Variants in CASK observed in about 807,000 individuals in gnomAD.
CASK encodes the protein peripheral plasma membrane protein CASK.
CASK carries 4 observed loss-of-function variants against 82.9 expected under a neutral mutation model. That is an observed-to-expected ratio of 0.05 (90% CI 0.02 to 0.11). CASK has a LOEUF of 0.11. CASK is among the 10% of genes least tolerant of loss of function. The pLI is 1.00. For missense variants in CASK, 358 were observed against 720.9 expected (o/e 0.50, Z 5.76); for synonymous variants, 259 against 253.5 (o/e 1.02, Z -0.20).
At chrX:41,705,196 A>G (rs534877189) in intron 5 of CASK, among the ~76,000 whole-genome samples, 7 of 112,327 alleles carry the variant, frequency 6.2e-5, no homozygotes, top group African/African-American at 1.9e-4. Context: ...TATGCTAATC[A>G]GAACCATACT....
chrX:41,528,393 C>T (rs947019039), intron 25 of CASK, among the ~76,000 whole-genome samples: 5 of 112,496 alleles, frequency 4.4e-5, no homozygotes, highest in Non-Finnish European at 9.4e-5. Context: ...TATTATTAGA[C>T]GTGCTCAATT....
chrX:41,733,665 C>A (rs922972023), intron 5 of CASK, among the ~76,000 whole-genome samples: 1 of 110,045 alleles, frequency 9.1e-6, no homozygotes, highest in African/African-American at 3.3e-5. Context: ...AGGAGAATGG[C>A]GTGGACCTGG....
At position 41,519,032 on chromosome X, in the gene CASK, G is replaced by C. The variant is rs999626192; in HGVS notation, c.*1388C>G. The C allele has an allele frequency of 5.4e-5, 6 of 111,450 alleles. No homozygotes were observed. The highest frequency in any genetic ancestry group is 7.5e-5 in the Non-Finnish European group (4 of 53,092). 9.2% of individuals were successfully genotyped at this position (111,450 alleles called of 1,213,427 possible). On this transcript the variant is annotated 3_prime_UTR_variant, in exon 27 of 27. Transcript: ENST00000378163. The stretch of plus-strand genomic sequence containing the variant: ...GGCCCTTGGGCGCATGGCTCTGTGC[G>C]AGTCAGACGTGGTCCAGCTGTGCTC...
rs72626424 is a variant in CASK, at chrX:41,859,957, A to G, written c.60-6730T>C. 2.7e-5 allele frequency among the ~76,000 whole-genome samples: 3 copies of G among 111,343 alleles called. No individual in the cohort carries two copies. In the East Asian group the frequency reaches 8.4e-4, roughly 31 times the overall value. ...GAACACAACTACCATGAATAATGAG[A>G]ATAAACTGTGTGTATTCACATATAT... On this transcript the variant is annotated intron_variant, in intron 1 of 26. Coordinates refer to ENST00000378163, the MANE Select transcript of CASK (RefSeq NM_001367721.1).
At chrX:41,668,617 C>A (rs2067150473) in intron 6 of CASK, among the ~76,000 whole-genome samples, 1 of 111,789 alleles carries the variant, frequency 8.9e-6, no homozygotes, top group African/African-American at 3.2e-5. Flanking sequence ...ATGATTTTTA[C>A]TATATGCAAC....
chrX:41,913,791 G>C (rs1204224928), intron 1 of CASK, among the ~76,000 whole-genome samples: 1 of 112,084 alleles, frequency 8.9e-6, no homozygotes, highest in Non-Finnish European at 1.9e-5. Context: ...CACACAAATG[G>C]TTTGTGAAGC....
intron 14 of CASK, among the ~76,000 whole-genome samples, chrX:41,579,023 C>T (rs1486881221): frequency 9.0e-6 from 1 of 111,709 alleles, no homozygotes; most frequent in African/African-American, 3.3e-5. Flanking sequence ...TGAAGGTAGA[C>T]GGTACAATTT....
chrX:41,726,980 A>G, intron 5 of CASK: 2 of 698,886 alleles, frequency 2.9e-6, no homozygotes, highest in Non-Finnish European at 4.2e-6. Flanking sequence ...AAATATCTGC[A>G]ATTCTATTCT....
chrX:41,570,003 CTTTTTTCTTTTTTTT>C (rs1445824145), intron 15 of CASK, among the ~76,000 whole-genome samples: 2 of 79,090 alleles, frequency 2.5e-5, no homozygotes, highest in Non-Finnish European at 4.9e-5. Context: ...CTTTTCTTTT[CTTTTTTCTTTTTTTT>C]TTTTTTTTTT....
intron 12 of CASK, among the ~76,000 whole-genome samples, chrX:41,601,920 T>C: frequency 9.0e-6 from 1 of 111,632 alleles, no homozygotes; most frequent in Admixed American, 9.6e-5. Context: ...TTCCATGTAA[T>C]TGCATTGGCA....
intron 1 of CASK, among the ~76,000 whole-genome samples, chrX:41,894,462 T>C (rs1358787991): frequency 9.0e-6 from 1 of 111,197 alleles, no homozygotes; most frequent in Non-Finnish European, 1.9e-5. Context: ...AATCCATTTA[T>C]TCTTTTCAAT....
At chrX:41,557,744 A>G in intron 18 of CASK, among the ~76,000 whole-genome samples, 1 of 111,591 alleles carries the variant, frequency 9.0e-6, no homozygotes, top group Middle Eastern at 4.7e-3. Flanking sequence ...TAGGAGCCAC[A>G]GCCACTCTTC....
At chrX:41,578,709 C>T (rs922329789) in intron 14 of CASK, among the ~76,000 whole-genome samples, 181 bp from the exon 15 acceptor site, 1 of 111,175 alleles carries the variant, frequency 9.0e-6, no homozygotes, top group Non-Finnish European at 1.9e-5. Flanking sequence ...CCTTTGCAGC[C>T]TTCTGTGTAG....
chrX:41,708,988 G>A (rs2067929347), intron 5 of CASK, among the ~76,000 whole-genome samples: 1 of 111,605 alleles, frequency 9.0e-6, no homozygotes, highest in Non-Finnish European at 1.9e-5. Context: ...AAGGGAAGAA[G>A]AGGCAACATG....
At chrX:41,662,836 A>ATT (rs753603017) in intron 7 of CASK, among the ~76,000 whole-genome samples, 3 of 92,131 alleles carry the variant, frequency 3.3e-5, no homozygotes, top group African/African-American at 3.9e-5. Context: ...TTTGAAATCT[A>ATT]TTTTTTTTTT....
Position 41,777,384 on chromosome X carries a change from C to T in CASK, c.278+9794G>A, listed in dbSNP as rs112392481. On this transcript the variant is annotated intron_variant, in intron 3 of 26. Transcript: ENST00000378163. ...GTGCATGCCTGTAGTCCCAGCTACTCGGGAGGCTGAGGCACGAGAATTGCT... is the reference window on the plus strand; with the variant it reads ...GTGCATGCCTGTAGTCCCAGCTACTTGGGAGGCTGAGGCACGAGAATTGCT... Among the ~76,000 whole-genome samples the T allele has an allele frequency of 4.9e-3, 528 of 107,653 alleles. 3 individuals carry two copies. Among genetic ancestry groups the T allele is most frequent in the Non-Finnish European group, 7.6e-3 (397 of 52,311 alleles). The allele number at this position is 107,653 out of a possible 115,157, so 93.5% of individuals were successfully genotyped here.
intron 2 of CASK, among the ~76,000 whole-genome samples, chrX:41,829,734 T>TATACAC (rs1556208238): frequency 1.3e-4 from 4 of 29,666 alleles, no homozygotes; most frequent in Non-Finnish European, 1.9e-4. Context: ...TATATATATA[T>TATACAC]ATATATATAT....
chrX:41,608,255 A>G (rs1436145708), intron 12 of CASK, among the ~76,000 whole-genome samples: 4 of 112,406 alleles, frequency 3.6e-5, no homozygotes, highest in Non-Finnish European at 1.9e-5. Flanking sequence ...TTTGCTTTAG[A>G]TCATCTCAGA....
intron 15 of CASK, among the ~76,000 whole-genome samples, chrX:41,576,307 C>T (rs1436866194): frequency 9.0e-6 from 1 of 111,075 alleles, no homozygotes; most frequent in Non-Finnish European, 1.9e-5. Context: ...TGAGTCTTCA[C>T]ACAAACAATC....
Sources: gnomAD v4.1 joint callset for allele counts (sites outside exome capture counted in the v4.1 genomes callset) on GRCh38, gnomAD v4.1.1 for gene constraint, MANE v1.5 for transcripts, NCBI Gene and HGNC (gene_info 2026-07-23, HGNC 2026-07-21) for gene names.